ZNF148: variants seen among roughly 807,000 people sequenced by gnomAD.
ZNF148 encodes the protein zinc finger protein 148.
In ZNF148, 7 loss-of-function variants were observed where a neutral mutation model predicts 67.7. That is an observed-to-expected ratio of 0.10 (90% CI 0.06 to 0.19). The LOEUF (loss-of-function observed/expected upper bound fraction) is 0.19. Among genes scored for constraint, ZNF148 ranks in the 10% least tolerant of loss-of-function variants. The pLI, the probability that ZNF148 is intolerant of heterozygous loss-of-function variation, is 1.00. For synonymous variants in ZNF148, 333 were observed against 330.7 expected, an observed-to-expected ratio of 1.01 and a Z score of -0.08; for missense variants, 583 against 947.1, an observed-to-expected ratio of 0.62 and a Z score of 5.05.
intron 4 of ZNF148, among the ~76,000 whole-genome samples, chr3:125,296,023 AACTC>A (rs1234930261): frequency 9.1e-6 from 1 of 109,928 alleles, no homozygotes; most frequent in Non-Finnish European, 1.9e-5. Flanking sequence ...TGATATCTAA[AACTC>A]AATATGCCAA....
chr3:125,288,551 T>C (rs1938833115), intron 4 of ZNF148, among the ~76,000 whole-genome samples: 1 of 151,752 alleles, frequency 6.6e-6, no homozygotes, highest in African/African-American at 2.4e-5. Context: ...CATTCCCACA[T>C]TTAAGGAAAC....
intron 7 of ZNF148, among the ~76,000 whole-genome samples, chr3:125,244,574 T>A (rs1181706732): frequency 6.6e-6 from 1 of 152,056 alleles, no homozygotes; most frequent in African/African-American, 2.4e-5. Flanking sequence ...CTCGGCTCAC[T>A]GCAACCTCCA....
chr3:125,347,177 C>T (rs899534960), intron 1 of ZNF148, among the ~76,000 whole-genome samples: 1 of 151,932 alleles, frequency 6.6e-6, no homozygotes, highest in Admixed American at 6.6e-5. Flanking sequence ...ACAAAACATC[C>T]CTGAAAGAAA....
At chr3:125,260,428 C>T (rs1180896312) in intron 7 of ZNF148, among the ~76,000 whole-genome samples, 1 of 152,164 alleles carries the variant, frequency 6.6e-6, no homozygotes, top group African/African-American at 2.4e-5. Context: ...GAATACTACT[C>T]AGCAATAAAA....
At chr3:125,372,544 G>GA (rs1579930312) in intron 1 of ZNF148, among the ~76,000 whole-genome samples, 2 of 152,278 alleles carry the variant, frequency 1.3e-5, no homozygotes, top group East Asian at 3.9e-4. Flanking sequence ...TGGAGACATG[G>GA]AAAAAAGCAT....
intron 2 of ZNF148, among the ~76,000 whole-genome samples, chr3:125,325,594 T>C (rs1319680287): frequency 1.3e-5 from 2 of 151,932 alleles, no homozygotes; most frequent in Non-Finnish European, 2.9e-5. Flanking sequence ...GCCTCCCGAG[T>C]AGCTGGGATT....
chr3:125,288,378 T>C (rs1176946275), intron 4 of ZNF148, 150 bp from the exon 5 acceptor site: 2 of 734,836 alleles, frequency 2.7e-6, no homozygotes, highest in Non-Finnish European at 4.2e-6. Context: ...TATACAGTGC[T>C]ATAGAATTCA....
chr3:125,319,189 T>C (rs141165830), intron 3 of ZNF148, among the ~76,000 whole-genome samples: 146 of 152,334 alleles, frequency 9.6e-4, no homozygotes, highest in Non-Finnish European at 1.7e-3. Context: ...AGCTGACTCT[T>C]CTTGTGGTCA....
chr3:125,250,336 G>A (rs1458500594), intron 7 of ZNF148, among the ~76,000 whole-genome samples: 1 of 152,174 alleles, frequency 6.6e-6, no homozygotes, highest in Non-Finnish European at 1.5e-5. Flanking sequence ...CTCACCAGGT[G>A]ATGAAAGTTT....
At chr3:125,373,426 T>C (rs972328642) in intron 1 of ZNF148, among the ~76,000 whole-genome samples, 2 of 151,814 alleles carry the variant, frequency 1.3e-5, no homozygotes, top group South Asian at 4.2e-4. Context: ...GTGAATAATA[T>C]CCGGGTAGTT....
rs554051093 is a variant in ZNF148 at position 125,283,034 on chromosome 3, A to G, written c.460-3787T>C. Among the ~76,000 whole-genome samples, 67 of 152,272 alleles carry G rather than the reference A, an allele frequency of 4.4e-4. 1 individual carries two copies. The South Asian group carries it at 0.013, about 30-fold the overall frequency. On this transcript the variant is annotated intron_variant, in intron 5 of 8. Transcript: ENST00000360647. ...CACCAAAACTCAAAAGACTAATTAGATAAGAGAGTTTACATTTCTCACCTA... is the reference window on the plus strand; with the variant it reads ...CACCAAAACTCAAAAGACTAATTAGGTAAGAGAGTTTACATTTCTCACCTA...
intron 7 of ZNF148, among the ~76,000 whole-genome samples, chr3:125,240,737 C>T (rs1936312241): frequency 6.7e-6 from 1 of 149,976 alleles, no homozygotes; most frequent in Non-Finnish European, 1.5e-5. Context: ...GCATTCCAGC[C>T]TGGGTGACAA....
At chr3:125,321,091 A>G (rs1383537108) in intron 3 of ZNF148, among the ~76,000 whole-genome samples, 17 of 152,188 alleles carry the variant, frequency 1.1e-4, no homozygotes, top group Non-Finnish European at 2.1e-4. Context: ...TCTTATTAAT[A>G]AAACAAAATC....
At chr3:125,239,690 ACACAAAAACT>A (rs1379619886) in intron 7 of ZNF148, among the ~76,000 whole-genome samples, 1 of 152,254 alleles carries the variant, frequency 6.6e-6, no homozygotes, top group Non-Finnish European at 1.5e-5. Context: ...TGTGAAGTTC[ACACAAAAACT>A]CATGCACAAG....
chr3:125,308,800 T>C (rs1940039275), intron 4 of ZNF148, among the ~76,000 whole-genome samples: 1 of 152,148 alleles, frequency 6.6e-6, no homozygotes, highest in African/African-American at 2.4e-5. Flanking sequence ...TACAACAATT[T>C]TCCTAACCAC....
At chr3:125,281,166 C>G (rs1267755642) in intron 5 of ZNF148, among the ~76,000 whole-genome samples, 1 of 152,160 alleles carries the variant, frequency 6.6e-6, no homozygotes, top group Non-Finnish European at 1.5e-5. Flanking sequence ...GCTTCAAAGT[C>G]TATGCACCAA....
chr3:125,234,342 A>T lies in ZNF148; in HGVS notation c.668-13T>A. On this transcript the variant is annotated splice_polypyrimidine_tract_variant and intron_variant, in intron 7 of 8. Transcript: ENST00000360647. ...AATGGTTTTTCACCTAGCACATAAT[A>T]TAGAAAGTTTAAAACAAAACAAATA... is the stretch of plus-strand genomic sequence containing the variant. The T allele has an allele frequency of 6.5e-7, 1 of 1,542,512 alleles. No individual in the cohort carries two copies. The highest frequency in any genetic ancestry group is 8.9e-7 in the Non-Finnish European group (1 of 1,123,964).
In ZNF148 at chr3:125,290,534, T is replaced by C. The variant is rs192068477; in HGVS notation, c.334-2306A>G. ...TATTTCATGTACATGTATACTGTTT[T>C]GATATTTTAAAGTAAGATACTCTTT... is the stretch of plus-strand genomic sequence containing the variant. On this transcript the variant is annotated intron_variant, in intron 4 of 8. Coordinates refer to ENST00000360647, the MANE Select transcript of ZNF148 (RefSeq NM_021964.3). 3.6e-3 allele frequency among the ~76,000 whole-genome samples: 541 copies of C among 152,298 alleles called. 2 individuals carry two copies. The highest frequency in any genetic ancestry group is 6.8e-3 in the Middle Eastern group (2 of 294).
chr3:125,368,775 T>C (rs942830216), intron 1 of ZNF148, among the ~76,000 whole-genome samples: 1 of 151,210 alleles, frequency 6.6e-6, no homozygotes, highest in African/African-American at 2.4e-5. Flanking sequence ...CGAAACCCCA[T>C]CTCTACTAAA....
Sources: allele counts gnomAD v4.1 joint callset (sites outside exome capture counted in the v4.1 genomes callset), GRCh38; gene constraint gnomAD v4.1.1; transcripts MANE v1.5; gene names NCBI Gene and HGNC (gene_info 2026-07-23, HGNC 2026-07-21).